PRKN: variants seen among roughly 807,000 people sequenced by gnomAD.
The protein encoded by PRKN is E3 ubiquitin-protein ligase parkin.
In PRKN, 56 loss-of-function variants were observed where a neutral mutation model predicts 59.5. That is an observed-to-expected ratio of 0.94 (90% CI 0.76 to 1.18). PRKN has a LOEUF of 1.18. Ranked by LOEUF, PRKN falls within the 50% of genes most tolerant of loss-of-function variation. The pLI is 0.00. For missense variants in PRKN, 657 were observed against 596.4 expected (o/e 1.10, Z -1.06); for synonymous variants, 250 against 222.1 (o/e 1.13, Z -1.12).
At chr6:161,779,513 T>C (rs1041896707) in intron 7 of PRKN, among the ~76,000 whole-genome samples, 1 of 142,122 alleles carries the variant, frequency 7.0e-6, no homozygotes, top group African/African-American at 2.7e-5. Context: ...GGTGTGATCG[T>C]GGCTCACTGC....
chr6:161,478,423 A>G (rs58104448), intron 9 of PRKN, among the ~76,000 whole-genome samples: 39,530 of 152,168 alleles, frequency 0.26, 6,735 homozygotes, highest in African/African-American at 0.49. Flanking sequence ...TAGGACATAC[A>G]GTAAAATAAT....
At chr6:162,554,369 G>A (rs1326774599) in intron 1 of PRKN, among the ~76,000 whole-genome samples, 1 of 152,132 alleles carries the variant, frequency 6.6e-6, no homozygotes, top group Non-Finnish European at 1.5e-5. Context: ...CGGGCGTGGT[G>A]GTAATGCCTG....
At chr6:161,789,183 T>C (rs1402989932) in intron 6 of PRKN, among the ~76,000 whole-genome samples, 1 of 152,160 alleles carries the variant, frequency 6.6e-6, no homozygotes, top group Non-Finnish European at 1.5e-5. Flanking sequence ...ATTAGATTAA[T>C]CACCTAAGGA....
At chr6:161,624,431 C>G (rs1224755228) in intron 7 of PRKN, among the ~76,000 whole-genome samples, 1 of 152,202 alleles carries the variant, frequency 6.6e-6, no homozygotes. Flanking sequence ...CATTAAAATA[C>G]TTTCTCATTG....
chr6:161,785,234 T>C (rs924179337), intron 7 of PRKN, among the ~76,000 whole-genome samples: 1 of 152,200 alleles, frequency 6.6e-6, no homozygotes, highest in African/African-American at 2.4e-5. Flanking sequence ...AAATGGTTAA[T>C]TGGTTACATG....
chr6:162,587,726 G>A (rs13190742), intron 1 of PRKN, among the ~76,000 whole-genome samples: 15,542 of 152,062 alleles, frequency 0.1, 932 homozygotes, highest in Middle Eastern at 0.19. Flanking sequence ...AGGTTGCAGT[G>A]ATTTACCTTT....
chr6:162,117,298 A>G (rs1242044211), intron 4 of PRKN, among the ~76,000 whole-genome samples: 1 of 152,216 alleles, frequency 6.6e-6, no homozygotes, highest in African/African-American at 2.4e-5. Flanking sequence ...AGTCATGTTC[A>G]GGATGAGATA....
intron 6 of PRKN, among the ~76,000 whole-genome samples, chr6:161,906,939 C>G (rs767022805): frequency 1.6e-4 from 25 of 152,158 alleles, no homozygotes; most frequent in Admixed American, 1.6e-3. Context: ...TTTATTCTGG[C>G]TACACTGGCA....
At chr6:161,421,143 C>A (rs1205850481) in intron 9 of PRKN, among the ~76,000 whole-genome samples, 2 of 152,156 alleles carry the variant, frequency 1.3e-5, no homozygotes, top group Non-Finnish European at 1.5e-5. Flanking sequence ...CCTGGGTGAG[C>A]CTTTACCCTC....
chr6:162,388,812 T>C (rs1786992731), intron 2 of PRKN, among the ~76,000 whole-genome samples: 2 of 152,196 alleles, frequency 1.3e-5, no homozygotes, highest in East Asian at 1.9e-4. Context: ...GCCCAGCATC[T>C]GGCACAGAAC....
At chr6:161,767,077 T>C (rs1789454262) in intron 7 of PRKN, among the ~76,000 whole-genome samples, 1 of 152,120 alleles carries the variant, frequency 6.6e-6, no homozygotes, top group Non-Finnish European at 1.5e-5. Context: ...TAAGTTGGGG[T>C]AGAGTCAGGA....
chr6:162,262,772 G>A lies in PRKN; in HGVS notation c.172-7C>T, dbSNP rs1413606576. On this transcript the variant is annotated splice_polypyrimidine_tract_variant and splice_region_variant and intron_variant, in intron 2 of 11. Transcript: ENST00000366898. Reference sequence around the variant, plus strand: ...GCTGATCCAGGTCACAATTCTGTTTGGGAGCAAGGTAAAAAAAAAAAAAAA... The same window carrying A: ...GCTGATCCAGGTCACAATTCTGTTTAGGAGCAAGGTAAAAAAAAAAAAAAA... The A allele has an allele frequency of 2.5e-6, 4 of 1,583,910 alleles. No individual in the cohort carries two copies. Among genetic ancestry groups the A allele is most frequent in the Non-Finnish European group, 3.4e-6 (4 of 1,166,378 alleles).
chr6:162,319,384 T>C (rs1159135004), intron 2 of PRKN, among the ~76,000 whole-genome samples: 4 of 151,978 alleles, frequency 2.6e-5, no homozygotes, highest in African/African-American at 9.7e-5. Context: ...TTGGAAGTGT[T>C]CTCTTCATCG....
At chr6:161,850,706 A>C (rs545953428) in intron 6 of PRKN, among the ~76,000 whole-genome samples, 15 of 152,306 alleles carry the variant, frequency 9.8e-5, no homozygotes, top group African/African-American at 3.6e-4. Context: ...TTGAGACAAT[A>C]AGGGACTCAG....
intron 2 of PRKN, among the ~76,000 whole-genome samples, chr6:162,319,627 A>G (rs567270440): frequency 1.3e-5 from 2 of 152,050 alleles, no homozygotes; most frequent in African/African-American, 4.8e-5. Flanking sequence ...CTAACAAACC[A>G]ATAAGGAAAA....
intron 2 of PRKN, among the ~76,000 whole-genome samples, chr6:162,287,736 G>C (rs1781258768): frequency 6.6e-6 from 1 of 152,142 alleles, no homozygotes; most frequent in African/African-American, 2.4e-5. Context: ...GGGTTACATT[G>C]ATAACAAATA....
At chr6:162,382,082 T>C (rs2128141113) in intron 2 of PRKN, among the ~76,000 whole-genome samples, 1 of 152,308 alleles carries the variant, frequency 6.6e-6, no homozygotes, top group South Asian at 2.1e-4. Context: ...TACTTTTTGA[T>C]AATTAAAACT....
At chr6:161,867,461 T>A (rs1219230237) in intron 6 of PRKN, among the ~76,000 whole-genome samples, 1 of 152,240 alleles carries the variant, frequency 6.6e-6, no homozygotes, top group Non-Finnish European at 1.5e-5. Context: ...AACAGCAGAC[T>A]GCTGGCCACA....
chr6:161,573,067 G>C lies in PRKN; in HGVS notation c.872-3651C>G, dbSNP rs976102112. On this transcript the variant is annotated intron_variant, in intron 7 of 11. Coordinates refer to ENST00000366898, the MANE Select transcript of PRKN (RefSeq NM_004562.3). ...AAAGAGTGGATAGAAGGCAAGGGAG[G>C]CTTCCCCTGCCAGTGACGTCCCATG... 7.9e-5 allele frequency among the ~76,000 whole-genome samples: 12 copies of C among 152,248 alleles called. No homozygotes were observed. In the East Asian group the frequency reaches 2.3e-3, roughly 29 times the overall value.
Sources: gnomAD v4.1 joint callset for allele counts (sites outside exome capture counted in the v4.1 genomes callset) on GRCh38, gnomAD v4.1.1 for gene constraint, MANE v1.5 for transcripts, NCBI Gene and HGNC (gene_info 2026-07-23, HGNC 2026-07-21) for gene names.